The following NRAP variants were observed in gnomAD, a reference collection of about 807,000 sequenced individuals.
NRAP encodes the protein nebulin related anchoring protein.
In NRAP, 189 loss-of-function variants were observed where a neutral mutation model predicts 225.9. That is an observed-to-expected ratio of 0.84 (90% confidence interval 0.74 to 0.94). NRAP has a LOEUF of 0.94. Among genes scored for constraint, NRAP ranks in the 40% least tolerant of loss-of-function variants. The pLI, the probability that NRAP is intolerant of heterozygous loss-of-function variation, is 0.00. For synonymous variants in NRAP, 769 were observed against 790.7 expected, an observed-to-expected ratio of 0.97 and a Z score of 0.46; for missense variants, 2,176 against 2,168.7, an observed-to-expected ratio of 1.00 and a Z score of -0.07.
rs145279124 is a variant in NRAP, at chr10:113,657,469, C to T, written c.360+1G>A. On this transcript the variant is annotated splice_donor_variant, in intron 4 of 41. Transcript: ENST00000359988. LOFTEE classifies it high-confidence loss of function. ...AAACCCACTTGTCACTTTTCTCTCA[C>T]CTCATTTGCCAGTGGCTGCCTGTTA... 8.4e-5 allele frequency: 126 copies of T among 1,503,958 alleles called. No homozygotes were observed. In the African/African-American group the frequency reaches 1.5e-3, roughly 18 times the overall value. The allele number at this position is 1,503,958 out of a possible 1,614,324, so 93.2% of individuals were successfully genotyped here.
chr10:113,608,764 T>C (rs1847153926), intron 31 of NRAP, among the ~76,000 whole-genome samples: 1 of 152,186 alleles, frequency 6.6e-6, no homozygotes, highest in Admixed American at 6.5e-5. Flanking sequence ...TTGCCATGAA[T>C]GTGAACATGA....
At chr10:113,616,845 CA>C (rs2133958730) in intron 26 of NRAP, among the ~76,000 whole-genome samples, 2 of 152,276 alleles carry the variant, frequency 1.3e-5, no homozygotes, top group African/African-American at 4.8e-5. Flanking sequence ...ATCTACATCA[CA>C]AAGTGTTTTT....
At chr10:113,621,541 C>T (rs936127833) in intron 24 of NRAP, among the ~76,000 whole-genome samples, 4 of 152,198 alleles carry the variant, frequency 2.6e-5, no homozygotes, top group African/African-American at 9.6e-5. Context: ...CAGCGATGCT[C>T]TCCCCTAGCA....
In NRAP at chr10:113,631,934, T is replaced by C. The variant is rs377505845; in HGVS notation, c.1663A>G (p.Lys555Glu). Reference protein sequence around the residue: ...VKYKEGWEKTKGKGFEMKLDA... With the variant: ...VKYKEGWEKTEGKGFEMKLDA... Reference sequence around the variant, plus strand: ...AGCTTCATCTCAAATCCTTTCCCCTTTGTCTTCTCCCAGCCTTCTTTATAC... The same window carrying C: ...AGCTTCATCTCAAATCCTTTCCCCTCTGTCTTCTCCCAGCCTTCTTTATAC... The change falls in exon 17 of 42, where the codon AAG (lysine) becomes GAG (glutamate). Residue 555 changes from lysine (K) to glutamate (E), a missense_variant. Lys to Glu is a moderately conservative substitution (Grantham distance 56, BLOSUM62 1). Transcript: ENST00000359988. The C allele has an allele frequency of 4.3e-6, 7 of 1,613,062 alleles. No individual in the cohort carries two copies. The highest frequency in any genetic ancestry group is 5.9e-6 in the Non-Finnish European group (7 of 1,179,120).
At position 113,614,309 on chromosome 10, in the gene NRAP, A is replaced by T. The variant is rs1259989113; in HGVS notation, c.3187-13T>A. On this transcript the variant is annotated splice_polypyrimidine_tract_variant and intron_variant, in intron 28 of 41. Coordinates refer to ENST00000359988, the MANE Select transcript of NRAP (RefSeq NM_198060.4). ...CTTTGTATTTGTACTAAAGGGAAAG[A>T]GAGCGGGAGAGAGGAACAGCTCAGG... 1.0e-5 allele frequency: 16 copies of T among 1,530,122 alleles called. No homozygotes were observed. Among genetic ancestry groups the T allele is most frequent in the Non-Finnish European group, 1.5e-5 (16 of 1,103,370 alleles). The allele number at this position is 1,530,122 out of a possible 1,614,324, so 94.8% of individuals were successfully genotyped here.
intron 35 of NRAP, among the ~76,000 whole-genome samples, chr10:113,600,155 T>TTCTGTCTCTCTCTCTC (rs1846511386): frequency 7.1e-6 from 1 of 140,198 alleles, no homozygotes; most frequent in Non-Finnish European, 1.5e-5. Context: ...AGGGGTTATA[T>TTCTGTCTCTCTCTCTC]TCTCTCTCTC....
Position 113,631,916 on chromosome 10 carries a change from T to C in NRAP, c.1681A>G (p.Met561Val). ...AGCAGAGACATGGCATCCAGCTTCA[T>C]CTCAAATCCTTTCCCCTTTGTCTTC... ...WEKTKGKGFEMKLDAMSLLAA... is the reference protein window; with the variant it reads ...WEKTKGKGFEVKLDAMSLLAA... The change falls in exon 17 of 42, where the codon ATG becomes GTG. Residue 561 changes from methionine (M) to valine (V), a missense_variant. By Grantham distance (21) the Met-to-Val change is conservative. This residue lies in a region of NRAP where 1,708 missense variants were observed against 1,695.5 expected (regional missense o/e 1.01). Coordinates refer to ENST00000359988, the MANE Select transcript of NRAP (RefSeq NM_198060.4). 6.2e-7 allele frequency: 1 copy of C among 1,613,932 alleles called. No homozygotes were observed. The highest frequency in any genetic ancestry group is 8.5e-7 in the Non-Finnish European group (1 of 1,179,794).
intron 36 of NRAP, among the ~76,000 whole-genome samples, chr10:113,597,666 T>C (rs1846360425): frequency 6.6e-6 from 1 of 152,186 alleles, no homozygotes; most frequent in Admixed American, 6.5e-5. Context: ...GTCAACTCAG[T>C]AGATGGGTGG....
At chr10:113,646,059 G>GA (rs949435095) in intron 10 of NRAP, 118 bp from the exon 11 acceptor site, 372 of 552,486 alleles carry the variant, frequency 6.7e-4, no homozygotes, top group South Asian at 1.3e-3. Flanking sequence ...TTTTCTGAAA[G>GA]AAAAAAAAAT....
chr10:113,591,186 A>C (rs886529525), intron 39 of NRAP, among the ~76,000 whole-genome samples: 2 of 152,224 alleles, frequency 1.3e-5, no homozygotes, highest in African/African-American at 4.8e-5. Flanking sequence ...TGGCCCACTG[A>C]GTGGTGGCTA....
In NRAP at chr10:113,612,328, T is replaced by A. The variant is rs1210990577; in HGVS notation, c.3404A>T (p.Asn1135Ile). 1 of 1,614,214 alleles carries A rather than the reference T, an allele frequency of 6.2e-7. No homozygotes were observed. Among genetic ancestry groups the A allele is most frequent in the East Asian group, 2.2e-5 (1 of 44,886 alleles). Reference protein sequence around the residue: ...HAKKAQTLASNQDYKHPLPQY... With the variant: ...HAKKAQTLASIQDYKHPLPQY... ...GGGCAGTGGATGTTTGTAGTCCTGA[T>A]TGCTGGCCAGGGTCTGAGCCTTCTT... The change falls in exon 30 of 42, where the codon AAT (asparagine) becomes ATT (isoleucine). Residue 1135 changes from asparagine (N) to isoleucine (I), a missense_variant. Asn to Ile is a moderately radical substitution (Grantham distance 149). Around this residue, in one of 3 missense-constraint regions of NRAP, gnomAD observed 1,708 missense variants for 1,695.5 expected, o/e 1.01. Coordinates refer to ENST00000359988, the MANE Select transcript of NRAP (RefSeq NM_198060.4).
In NRAP at chr10:113,634,344, T is replaced by C. The variant is rs539399322; in HGVS notation, c.1429-134A>G. The C allele has an allele frequency of 1.0e-3, 678 of 653,768 alleles. 2 individuals carry two copies. The highest frequency in any genetic ancestry group is 1.6e-3 in the Non-Finnish European group (573 of 357,456). 40.5% of individuals were successfully genotyped at this position (653,768 alleles called of 1,614,324 possible). On this transcript the variant is annotated intron_variant, in intron 14 of 41. Coordinates refer to ENST00000359988, the MANE Select transcript of NRAP (RefSeq NM_198060.4). Reference sequence around the variant, plus strand: ...AAAAGAGTCCAATATTCCAACTGGATACTGACAGACACTCCAAGCCCATAG... The same window carrying C: ...AAAAGAGTCCAATATTCCAACTGGACACTGACAGACACTCCAAGCCCATAG...
At chr10:113,663,174 G>T (rs140534497) in intron 2 of NRAP, among the ~76,000 whole-genome samples, 178 bp downstream of exon 2, 1 of 152,134 alleles carries the variant, frequency 6.6e-6, no homozygotes, top group Non-Finnish European at 1.5e-5. Context: ...TTGAAGTTTT[G>T]TGTCCATTGC....
intron 14 of NRAP, among the ~76,000 whole-genome samples, chr10:113,639,118 G>T (rs548157800): frequency 4.9e-4 from 66 of 135,264 alleles, no homozygotes; most frequent in African/African-American, 1.3e-3. Flanking sequence ...AAAAAAAAAT[G>T]TAGCTTTGGT....
intron 4 of NRAP, 129 bp downstream of exon 4, chr10:113,657,341 A>G: frequency 1.6e-6 from 1 of 629,466 alleles, no homozygotes; most frequent in Non-Finnish European, 2.8e-6. Flanking sequence ...TTCCATAGAC[A>G]GCTGGAATTA....
At chr10:113,663,697 G>A in intron 1 of NRAP, 114 bp downstream of exon 1, 1 of 816,200 alleles carries the variant, frequency 1.2e-6, no homozygotes, top group Non-Finnish European at 2.1e-6. Context: ...TTTTCTTGTG[G>A]TTCAAAACAA....
intron 3 of NRAP, among the ~76,000 whole-genome samples, chr10:113,662,149 C>T (rs3127121): frequency 0.16 from 24,188 of 152,122 alleles, 2,543 homozygotes; most frequent in Admixed American, 0.3. Flanking sequence ...CTCAAATGCA[C>T]TTTACATGTG....
rs767677874 is a variant in NRAP, at chr10:113,645,813, C to T, written c.1110+12G>A. The T allele has an allele frequency of 2.3e-6, 3 of 1,316,762 alleles. No individual in the cohort carries two copies. Among genetic ancestry groups the T allele is most frequent in the Non-Finnish European group, 3.3e-6 (3 of 915,734 alleles). The allele number at this position is 1,316,762 out of a possible 1,614,324, so 81.6% of individuals were successfully genotyped here. A position where few individuals can be genotyped will look rare whatever the true frequency, so the allele number is the denominator to read the frequency against. On this transcript the variant is annotated intron_variant, in intron 11 of 41. Coordinates refer to ENST00000359988, the MANE Select transcript of NRAP (RefSeq NM_198060.4). ...GTGATGCTCATGGGTGTGACTCTTC[C>T]CCCATACGCACCTCACTCACGAGTT...
chr10:113,591,016 G>T, intron 39 of NRAP, 127 bp from the exon 40 acceptor site: 1 of 713,932 alleles, frequency 1.4e-6, no homozygotes, highest in Non-Finnish European at 2.3e-6. Flanking sequence ...ACAGGCTTTG[G>T]ATTCAAATAG....
Sources: allele counts gnomAD v4.1 joint callset (sites outside exome capture counted in the v4.1 genomes callset), GRCh38; gene constraint gnomAD v4.1.1; regional missense constraint gnomAD v4.1.1; transcripts MANE v1.5; gene names NCBI Gene and HGNC (gene_info 2026-07-23, HGNC 2026-07-21).